Variants in SIMC1 observed in about 807,000 individuals in gnomAD.
The protein encoded by SIMC1 is SUMO-interacting motif-containing protein 1.
In SIMC1, 55 loss-of-function variants were observed where a neutral mutation model predicts 82.3. The observed-to-expected ratio is 0.67, with a 90% CI of 0.54 to 0.84. SIMC1 has a LOEUF of 0.84. Ranked by LOEUF, SIMC1 falls within the 40% of genes least tolerant of loss-of-function variation. The pLI is 0.00. For missense variants in SIMC1, 915 were observed against 1,107.2 expected, an observed-to-expected ratio of 0.83 and a Z score of 2.46; for synonymous variants, 353 against 426.3, an observed-to-expected ratio of 0.83 and a Z score of 2.12.
chr5:176,313,714 C>T lies in SIMC1; in HGVS notation c.1758C>T (p.Val586=). ...AGGGACAAACTCTGCCTGGGCGAGT[C>T]CTTTTCCTGCGTTATGTCGTTCAGA... The part of the protein sequence containing the change: ...EEEGQTLPGR[V]LFLRYVVQTL... Residue 586 remains valine, a synonymous_variant, in exon 5 of 10, where the codon GTC becomes GTT. Coordinates refer to ENST00000429602, the MANE Select transcript of SIMC1 (RefSeq NM_001308195.2). The T allele has an allele frequency of 1.2e-6, 2 of 1,613,958 alleles. No individual in the cohort carries two copies. The highest frequency in any genetic ancestry group is 1.7e-6 in the Non-Finnish European group (2 of 1,179,874).
chr5:176,336,086 C>A (rs62405176), intron 7 of SIMC1, among the ~76,000 whole-genome samples: 1 of 134,904 alleles, frequency 7.4e-6, no homozygotes. Flanking sequence ...GGGAGGGAGG[C>A]AGGGAGGGGG....
At position 176,336,963 on chromosome 5, in the gene SIMC1, C is replaced by G. The variant is rs570177005; in HGVS notation, c.2328+87C>G. The G allele has an allele frequency of 1.9e-6, 3 of 1,599,672 alleles. No individual in the cohort carries two copies. In the South Asian group the frequency reaches 3.3e-5, roughly 18 times the overall value. The stretch of plus-strand genomic sequence containing the variant: ...CTTCCCATAGGATTTTAGCTTAAAA[C>G]ACAACTGTTTGAGCATTCTGTAAAG... On this transcript the variant is annotated intron_variant, in intron 8 of 9. Coordinates refer to ENST00000429602, the MANE Select transcript of SIMC1 (RefSeq NM_001308195.2).
chr5:176,331,496 G>A (rs2113394641), intron 7 of SIMC1, among the ~76,000 whole-genome samples: 1 of 150,800 alleles, frequency 6.6e-6, no homozygotes, highest in South Asian at 2.1e-4. Flanking sequence ...TATATTTTTA[G>A]TAGGGAAAGG....
chr5:176,276,154 G>T (rs939990100), intron 1 of SIMC1, among the ~76,000 whole-genome samples: 1 of 151,648 alleles, frequency 6.6e-6, no homozygotes, highest in Non-Finnish European at 1.5e-5. Flanking sequence ...TTCAGCTCCT[G>T]CTATTGGTCT....
At chr5:176,276,854 A>G (rs1404051824) in intron 1 of SIMC1, among the ~76,000 whole-genome samples, 14 of 147,388 alleles carry the variant, frequency 9.5e-5, no homozygotes, top group African/African-American at 3.3e-4. Flanking sequence ...TCATTGTTGG[A>G]CATTTGGGTT....
intron 4 of SIMC1, among the ~76,000 whole-genome samples, chr5:176,297,523 A>G (rs1477248538): frequency 1.3e-5 from 2 of 151,624 alleles, no homozygotes; most frequent in Non-Finnish European, 2.9e-5. Context: ...AAAAAAAAAA[A>G]AAAACGTTGA....
At chr5:176,339,098 T>C (rs1766022156) in intron 9 of SIMC1, among the ~76,000 whole-genome samples, 1 of 152,188 alleles carries the variant, frequency 6.6e-6, no homozygotes, top group Admixed American at 6.5e-5. Flanking sequence ...GCATGGTGGC[T>C]CACGCCTGTA....
chr5:176,296,851 T>C (rs1203737542), intron 4 of SIMC1, among the ~76,000 whole-genome samples: 1 of 152,096 alleles, frequency 6.6e-6, no homozygotes, highest in Non-Finnish European at 1.5e-5. Context: ...AGTAAATGAA[T>C]AGAGAAAGTT....
intron 1 of SIMC1, among the ~76,000 whole-genome samples, chr5:176,266,060 T>C (rs1214108308): frequency 6.6e-6 from 1 of 152,170 alleles, no homozygotes; most frequent in Non-Finnish European, 1.5e-5. Context: ...GCAGTTGGAT[T>C]CTACTTCCAA....
intron 1 of SIMC1, among the ~76,000 whole-genome samples, chr5:176,277,895 T>A (rs577753151): frequency 1.3e-5 from 2 of 151,274 alleles, no homozygotes; most frequent in African/African-American, 2.4e-5. Context: ...TGCCTCCAGC[T>A]TTGTTCTTTT....
intron 5 of SIMC1, among the ~76,000 whole-genome samples, chr5:176,314,171 G>A (rs920032802): frequency 8.3e-4 from 127 of 152,312 alleles, no homozygotes; most frequent in African/African-American, 3.0e-3. Flanking sequence ...GGAGGCTGAG[G>A]TGGGAGAATC....
chr5:176,269,936 T>C (rs1762354775), intron 1 of SIMC1, among the ~76,000 whole-genome samples: 2 of 151,910 alleles, frequency 1.3e-5, no homozygotes, highest in Non-Finnish European at 2.9e-5. Context: ...ATTTTTTTTT[T>C]TGTAGAGACA....
chr5:176,254,864 C>T (rs955609667), intron 1 of SIMC1, among the ~76,000 whole-genome samples: 2 of 152,150 alleles, frequency 1.3e-5, no homozygotes, highest in African/African-American at 4.8e-5. Context: ...TTAGAGGAAT[C>T]AAATAGGGAC....
At chr5:176,329,601 C>T (rs547701836) in intron 7 of SIMC1, among the ~76,000 whole-genome samples, 32 of 151,692 alleles carry the variant, frequency 2.1e-4, no homozygotes, top group South Asian at 8.3e-4. Context: ...TACTGGCAAA[C>T]GCTAATCTGT....
intron 1 of SIMC1, among the ~76,000 whole-genome samples, chr5:176,288,045 CATTCCAGGTAA>C (rs1435949099): frequency 6.6e-6 from 1 of 152,076 alleles, no homozygotes; most frequent in African/African-American, 2.4e-5. Context: ...GGATGATAGT[CATTCCAGGTAA>C]AATGAAAAAA....
intron 5 of SIMC1, among the ~76,000 whole-genome samples, chr5:176,314,679 C>T (rs995668312): frequency 2.0e-5 from 3 of 152,012 alleles, no homozygotes; most frequent in Admixed American, 6.6e-5. Context: ...TTATACCAAG[C>T]GGGGGAAAAT....
At chr5:176,308,683 A>T (rs1764531857) in intron 4 of SIMC1, 2 of 1,550,742 alleles carry the variant, frequency 1.3e-6, no homozygotes, top group African/African-American at 2.7e-5. Context: ...AAGGAAGAGG[A>T]AAGGTATGAG....
intron 9 of SIMC1, among the ~76,000 whole-genome samples, chr5:176,340,028 G>A (rs1435062814): frequency 6.6e-6 from 1 of 152,228 alleles, no homozygotes; most frequent in East Asian, 1.9e-4. Context: ...CTAGCTGCAA[G>A]AGTGGGAGAA....
intron 1 of SIMC1, among the ~76,000 whole-genome samples, chr5:176,247,697 A>T (rs888648176): frequency 4.6e-5 from 7 of 151,332 alleles, no homozygotes; most frequent in African/African-American, 1.7e-4. Context: ...CTATGTCCTG[A>T]ATGGTATTGC....
Sources: gnomAD v4.1 joint callset for allele counts (sites outside exome capture counted in the v4.1 genomes callset) on GRCh38, gnomAD v4.1.1 for gene constraint, MANE v1.5 for transcripts, NCBI Gene and HGNC (gene_info 2026-07-23, HGNC 2026-07-21) for gene names.